Variants in CSNK2A2IP observed in about 807,000 individuals in gnomAD.
The protein encoded by CSNK2A2IP is casein kinase II subunit alpha'-interacting protein.
chr3:88,353,195 G>A, the CSNK2A2IP span, among the ~76,000 whole-genome samples: 1 of 151,994 alleles, frequency 6.6e-6, no homozygotes, highest in East Asian at 1.9e-4. Context: ...ACATATCTCT[G>A]GATTCTGGAA....
At chr3:88,455,367 T>C in the CSNK2A2IP span, among the ~76,000 whole-genome samples, 1 of 151,990 alleles carries the variant, frequency 6.6e-6, no homozygotes, top group East Asian at 1.9e-4. Flanking sequence ...CTTGCCAACA[T>C]TTATCTTTTG....
At chr3:88,371,339 A>C in the CSNK2A2IP span, among the ~76,000 whole-genome samples, 1 of 151,812 alleles carries the variant, frequency 6.6e-6, no homozygotes, top group Non-Finnish European at 1.5e-5. Flanking sequence ...TAAACAGGGA[A>C]TTTAATAGAG....
the CSNK2A2IP span, among the ~76,000 whole-genome samples, chr3:88,353,372 G>T: frequency 6.6e-6 from 1 of 152,176 alleles, no homozygotes; most frequent in South Asian, 2.1e-4. Context: ...TAAGTGGATG[G>T]TATTAATAAA....
chr3:88,421,362 T>C, the CSNK2A2IP span, among the ~76,000 whole-genome samples: 1 of 152,154 alleles, frequency 6.6e-6, no homozygotes, highest in Non-Finnish European at 1.5e-5. Flanking sequence ...GCAGCAACCA[T>C]TATCTTGCTA....
At chr3:88,394,700 T>C in the CSNK2A2IP span, among the ~76,000 whole-genome samples, 1,629 of 152,308 alleles carry the variant, frequency 0.011, 42 homozygotes, top group African/African-American at 0.038. Context: ...AGATGGCTAA[T>C]GATATTGTGC....
chr3:88,356,686 T>C, the CSNK2A2IP span, among the ~76,000 whole-genome samples: 1 of 152,184 alleles, frequency 6.6e-6, no homozygotes, highest in Admixed American at 6.5e-5. Context: ...TTTTCTCTAG[T>C]GGCTATACTA....
chr3:88,458,731 C>T, the CSNK2A2IP span, among the ~76,000 whole-genome samples: 1 of 152,112 alleles, frequency 6.6e-6, no homozygotes, highest in African/African-American at 2.4e-5. Context: ...TGTTCAGCTT[C>T]AGGAACATCC....
chr3:88,340,169 C>CT, the CSNK2A2IP span, among the ~76,000 whole-genome samples: 1 of 151,670 alleles, frequency 6.6e-6, no homozygotes, highest in African/African-American at 2.4e-5. Context: ...ATTTTCTTTC[C>CT]TTTTTTCAAA....
the CSNK2A2IP span, among the ~76,000 whole-genome samples, chr3:88,381,146 G>T: frequency 4.1e-4 from 63 of 152,282 alleles, no homozygotes; most frequent in Admixed American, 2.6e-3. Context: ...TCTGGTCCTC[G>T]TCCTGAGATT....
the CSNK2A2IP span, among the ~76,000 whole-genome samples, chr3:88,460,986 C>T: frequency 5.5e-4 from 84 of 151,944 alleles, no homozygotes; most frequent in Admixed American, 2.0e-3. Context: ...GCTTGGGAGG[C>T]TGAGGCAGGA....
At chr3:88,415,784 C>T in the CSNK2A2IP span, among the ~76,000 whole-genome samples, 1 of 151,942 alleles carries the variant, frequency 6.6e-6, no homozygotes, top group Non-Finnish European at 1.5e-5. Context: ...AGCCCTAAAG[C>T]CAGATTCTGG....
chr3:88,424,472 TAGAC>T, the CSNK2A2IP span, among the ~76,000 whole-genome samples: 20 of 152,296 alleles, frequency 1.3e-4, no homozygotes, highest in African/African-American at 3.8e-4. Context: ...TTGGGAGAAA[TAGAC>T]AGTTTTAAAT....
the CSNK2A2IP span, among the ~76,000 whole-genome samples, chr3:88,391,254 G>A: frequency 1.0e-2 from 1,520 of 152,242 alleles, 21 homozygotes; most frequent in African/African-American, 0.035. Context: ...TGCCATTCTT[G>A]AGGATAGTTT....
the CSNK2A2IP span, among the ~76,000 whole-genome samples, chr3:88,355,447 A>T: frequency 6.6e-6 from 1 of 152,046 alleles, no homozygotes; most frequent in African/African-American, 2.4e-5. Flanking sequence ...AAGCAAAAAA[A>T]ATCTGCATTC....
chr3:88,429,525 G>T, the CSNK2A2IP span, among the ~76,000 whole-genome samples: 2 of 152,010 alleles, frequency 1.3e-5, no homozygotes, highest in Admixed American at 6.6e-5. Context: ...AAAATTCATC[G>T]TTTGTAAGCC....
At chr3:88,444,026 T>A in the CSNK2A2IP span, among the ~76,000 whole-genome samples, 2 of 152,238 alleles carry the variant, frequency 1.3e-5, no homozygotes, top group Non-Finnish European at 2.9e-5. Flanking sequence ...AAATTCTTTA[T>A]AGTCACAGAT....
chr3:88,346,258 C>G, the CSNK2A2IP span, among the ~76,000 whole-genome samples: 1 of 152,028 alleles, frequency 6.6e-6, no homozygotes, highest in African/African-American at 2.4e-5. Flanking sequence ...CAAGGCTAAG[C>G]AGCAAGTGCC....
At chr3:88,446,473 A>G in the CSNK2A2IP span, among the ~76,000 whole-genome samples, 1 of 152,162 alleles carries the variant, frequency 6.6e-6, no homozygotes, top group African/African-American at 2.4e-5. Context: ...GTATAGGAGA[A>G]CATTCTTTGT....
chr3:88,418,941 A>C, the CSNK2A2IP span, among the ~76,000 whole-genome samples: 1 of 152,180 alleles, frequency 6.6e-6, no homozygotes, highest in African/African-American at 2.4e-5. Flanking sequence ...CTGCCGTCAG[A>C]TCAGCAGTGG....
Sources: gnomAD v4.1 joint callset for allele counts (sites outside exome capture counted in the v4.1 genomes callset) on GRCh38, gnomAD v4.1.1 for gene constraint, MANE v1.5 for transcripts, NCBI Gene and HGNC (gene_info 2026-07-23, HGNC 2026-07-21) for gene names.